THADA: variants seen among roughly 807,000 people sequenced by gnomAD.
The protein encoded by THADA is tRNA (32-2'-O)-methyltransferase regulator THADA.
THADA carries 213 observed loss-of-function variants against 219.8 expected under a neutral mutation model. The observed-to-expected ratio is 0.97, with a 90% CI of 0.87 to 1.09. THADA has a LOEUF of 1.09. THADA is among the 50% of genes least tolerant of loss of function. THADA has a pLI of 0.00. For synonymous variants in THADA, 1,018 were observed against 828.9 expected, an observed-to-expected ratio of 1.23 and a Z score of -3.92; for missense variants, 2,956 against 2,311.3, an observed-to-expected ratio of 1.28 and a Z score of -5.72.
At chr2:43,291,671 G>T (rs374577186) in intron 34 of THADA, 25 bp downstream of exon 34, 3 of 1,506,514 alleles carry the variant, frequency 2.0e-6, no homozygotes, top group African/African-American at 2.8e-5. Flanking sequence ...CCTAGGTCCC[G>T]GAACAAGATC....
chr2:43,583,919 G>C (rs1428085663), intron 7 of THADA, among the ~76,000 whole-genome samples: 1 of 151,614 alleles, frequency 6.6e-6, no homozygotes, highest in Non-Finnish European at 1.5e-5. Context: ...GGACGTCTGT[G>C]GGCCCAGCTA....
intron 30 of THADA, among the ~76,000 whole-genome samples, chr2:43,329,551 A>G (rs1679720791): frequency 6.6e-6 from 1 of 152,270 alleles, no homozygotes; most frequent in African/African-American, 2.4e-5. Flanking sequence ...CTCTTTAAAA[A>G]GTATTCTTAT....
rs1558864635 is a variant in THADA, at chr2:43,501,338, AAG to A, written c.3622-2385_3622-2384del. On this transcript the variant is annotated intron_variant, in intron 24 of 37. Transcript: ENST00000405975. The stretch of plus-strand genomic sequence containing the variant: ...AAAAAAAAAAAAAAAAAAAAAAAAA[AAG>A]AGAGACTTTTATGGGAATTAGTTTA... Among the ~76,000 whole-genome samples the A allele has an allele frequency of 7.3e-4, 98 of 134,796 alleles. 3 individuals are homozygous for A. Among genetic ancestry groups the A allele is most frequent in the Middle Eastern group, 3.7e-3 (1 of 268 alleles). 88.4% of individuals were successfully genotyped at this position (134,796 alleles called of 152,430 possible).
At chr2:43,319,546 T>C (rs1420194572) in intron 31 of THADA, among the ~76,000 whole-genome samples, 1 of 152,130 alleles carries the variant, frequency 6.6e-6, no homozygotes, top group Non-Finnish European at 1.5e-5. Flanking sequence ...GCATTTTAAA[T>C]TGGTTTGAAT....
chr2:43,309,381 A>G (rs924340395), intron 31 of THADA, among the ~76,000 whole-genome samples: 3 of 150,768 alleles, frequency 2.0e-5, no homozygotes, highest in Admixed American at 2.0e-4. Flanking sequence ...GAACACTTCT[A>G]TGTGAATGTT....
At chr2:43,436,553 C>G (rs1284194336) in intron 26 of THADA, among the ~76,000 whole-genome samples, 1 of 152,208 alleles carries the variant, frequency 6.6e-6, no homozygotes, top group Non-Finnish European at 1.5e-5. Context: ...CTGTCAATAT[C>G]TCTGAATGTC....
intron 24 of THADA, among the ~76,000 whole-genome samples, chr2:43,500,127 G>A (rs925284817): frequency 8.5e-5 from 13 of 152,064 alleles, no homozygotes; most frequent in Admixed American, 3.3e-4. Context: ...TCAAGCCTGA[G>A]TGACAGAACA....
Position 43,574,735 on chromosome 2 carries a change from G to T in THADA, c.1330C>A (p.Leu444Ile), listed in dbSNP as rs777885047. Reference sequence around the variant, plus strand: ...TTAATATGCCATTCCAATCGTAAAAGACTCTCAGTCAATTCCACAAAGAAA... The same window carrying T: ...TTAATATGCCATTCCAATCGTAAAATACTCTCAGTCAATTCCACAAAGAAA... ...DPFFVELTES[L>I]LRLEWHIKGK... is the part of the protein sequence containing the mutation. The change falls in exon 11 of 38, where the codon CTT becomes ATT. Residue 444 changes from leucine to isoleucine, a missense_variant. By Grantham distance (5) the Leu-to-Ile change is conservative. Transcript: ENST00000405975. The T allele has an allele frequency of 1.2e-6, 2 of 1,614,026 alleles. No individual in the cohort carries two copies. Among genetic ancestry groups the T allele is most frequent in the Non-Finnish European group, 1.7e-6 (2 of 1,179,894 alleles).
chr2:43,319,980 G>A (rs1678504782), intron 31 of THADA, among the ~76,000 whole-genome samples: 1 of 152,172 alleles, frequency 6.6e-6, no homozygotes, highest in African/African-American at 2.4e-5. Context: ...ACATGACCAA[G>A]AAACATGTGG....
chr2:43,485,843 A>C (rs1310761820), intron 25 of THADA, among the ~76,000 whole-genome samples: 4 of 152,008 alleles, frequency 2.6e-5, no homozygotes. Flanking sequence ...CAGCCTGGGC[A>C]ATACAGTAAG....
chr2:43,255,672 T>A (rs1670231064), intron 36 of THADA, among the ~76,000 whole-genome samples: 2 of 152,194 alleles, frequency 1.3e-5, no homozygotes, highest in Non-Finnish European at 1.5e-5. Context: ...AGTCGGGGAA[T>A]GCTGTGGCCT....
At chr2:43,236,790 G>T (rs1429710170) in intron 36 of THADA, among the ~76,000 whole-genome samples, 1 of 150,380 alleles carries the variant, frequency 6.6e-6, no homozygotes, top group Non-Finnish European at 1.5e-5. Context: ...GGCCGGGCAC[G>T]GTGGCTCACG....
intron 28 of THADA, among the ~76,000 whole-genome samples, chr2:43,407,209 G>C (rs567708417): frequency 1.2e-4 from 19 of 152,128 alleles, no homozygotes; most frequent in African/African-American, 4.1e-4. Context: ...TATTTACAGT[G>C]ATTGATTTTT....
intron 29 of THADA, among the ~76,000 whole-genome samples, chr2:43,357,704 A>C (rs1445356842): frequency 2.6e-5 from 4 of 152,216 alleles, no homozygotes; most frequent in Admixed American, 2.6e-4. Flanking sequence ...AGTCATTATA[A>C]AGAAGTTGTA....
chr2:43,530,572 A>G (rs1358128808), intron 21 of THADA, among the ~76,000 whole-genome samples: 1 of 152,238 alleles, frequency 6.6e-6, no homozygotes, highest in Non-Finnish European at 1.5e-5. Context: ...AAAAACAGAA[A>G]GTCAATGAGA....
At chr2:43,260,589 G>T (rs944935059) in intron 36 of THADA, among the ~76,000 whole-genome samples, 5 of 152,208 alleles carry the variant, frequency 3.3e-5, no homozygotes, top group African/African-American at 4.8e-5. Context: ...AATCTTGATT[G>T]TGTTTTCCTC....
intron 28 of THADA, among the ~76,000 whole-genome samples, chr2:43,399,080 T>C (rs1206909387): frequency 6.6e-6 from 1 of 152,224 alleles, no homozygotes; most frequent in Non-Finnish European, 1.5e-5. Context: ...TTGCTGAAAC[T>C]GTGCACTTTA....
chr2:43,571,760 G>C lies in THADA; in HGVS notation c.2011C>G (p.Leu671Val), dbSNP rs190709877. 2.8e-4 allele frequency: 454 copies of C among 1,613,914 alleles called. 1 individual carries two copies. In the Middle Eastern group the frequency reaches 3.6e-3, roughly 13 times the overall value. Residue 671 changes from leucine to valine, a missense_variant, in exon 13 of 38, where the codon CTT (leucine) becomes GTT (valine). By Grantham distance (32) the Leu-to-Val change is conservative. Transcript: ENST00000405975. ...CGCACTCCTGGAGACTGGCTGTTAA[G>C]ATTGTATGTAATAAAGAACTGAATC... Reference protein sequence around the residue: ...QWIQFFITYNLNSQSPGVRQQ... With the variant: ...QWIQFFITYNVNSQSPGVRQQ...
chr2:43,342,980 C>CT (rs1667219447), intron 30 of THADA: 1 of 152,024 alleles, frequency 6.6e-6, no homozygotes. Context: ...AGCCAATATA[C>CT]TTTTTTCTTT....
Sources: gnomAD v4.1 joint callset for allele counts (sites outside exome capture counted in the v4.1 genomes callset) on GRCh38, gnomAD v4.1.1 for gene constraint, MANE v1.5 for transcripts, NCBI Gene and HGNC (gene_info 2026-07-23, HGNC 2026-07-21) for gene names.